Variants in EXOC4 observed in about 807,000 individuals in gnomAD.
EXOC4 encodes SEC8-like 1.
In EXOC4, 71 loss-of-function variants were observed where a neutral mutation model predicts 107.2. That is an observed-to-expected ratio of 0.66 (90% CI 0.55 to 0.81). The LOEUF (loss-of-function observed/expected upper bound fraction) is 0.81, where lower values mean the gene tolerates loss of function less well. EXOC4 is among the 30% of genes least tolerant of loss of function. The probability of loss-of-function intolerance (pLI) is 0.00; values close to 1 mark genes in which losing one functional copy is unlikely to be tolerated. For missense variants in EXOC4, 1,108 were observed against 1,189.6 expected (o/e 0.93, Z 1.01); for synonymous variants, 456 against 441.2 (o/e 1.03, Z -0.42).
chr7:133,421,324 A>G (rs764666288), intron 7 of EXOC4, among the ~76,000 whole-genome samples: 22 of 152,260 alleles, frequency 1.4e-4, no homozygotes, highest in Admixed American at 2.6e-4. Flanking sequence ...AGTCCTTCAG[A>G]GAAGGCATGG....
At chr7:133,286,604 C>T (rs926553145) in intron 2 of EXOC4, among the ~76,000 whole-genome samples, 1 of 152,166 alleles carries the variant, frequency 6.6e-6, no homozygotes, top group Admixed American at 6.5e-5. Context: ...GGTAGGGACT[C>T]AGCAGTTTCT....
intron 6 of EXOC4, among the ~76,000 whole-genome samples, chr7:133,369,585 T>C (rs1346607942): frequency 6.6e-6 from 1 of 152,118 alleles, no homozygotes; most frequent in Non-Finnish European, 1.5e-5. Context: ...TGATACTCTT[T>C]CCTGGAGTGT....
chr7:133,437,460 G>C (rs188714976), intron 7 of EXOC4, among the ~76,000 whole-genome samples: 1 of 152,100 alleles, frequency 6.6e-6, no homozygotes, highest in East Asian at 1.9e-4. Context: ...CTAAACTTCA[G>C]ACTAATGCTG....
intron 10 of EXOC4, among the ~76,000 whole-genome samples, chr7:133,740,534 T>A (rs764213314): frequency 1.3e-5 from 2 of 152,180 alleles, no homozygotes; most frequent in Non-Finnish European, 2.9e-5. Flanking sequence ...GTTGGGCAGT[T>A]TCATAGTTTG....
At chr7:133,773,739 C>G (rs1421934080) in intron 10 of EXOC4, among the ~76,000 whole-genome samples, 1 of 151,970 alleles carries the variant, frequency 6.6e-6, no homozygotes, top group Non-Finnish European at 1.5e-5. Flanking sequence ...CTCATTCATG[C>G]ACAAAGCTAT....
intron 8 of EXOC4, among the ~76,000 whole-genome samples, chr7:133,477,214 A>G (rs774308457): frequency 8.5e-5 from 13 of 152,144 alleles, no homozygotes; most frequent in Non-Finnish European, 1.9e-4. Context: ...TTTGTGTTGT[A>G]CAGTTCTAAT....
At chr7:133,513,102 C>T (rs754591190) in intron 9 of EXOC4, among the ~76,000 whole-genome samples, 1 of 152,088 alleles carries the variant, frequency 6.6e-6, no homozygotes, top group African/African-American at 2.4e-5. Flanking sequence ...AAGACTTCAT[C>T]TCAAAAAAAT....
chr7:133,551,614 T>C (rs1440488348), intron 9 of EXOC4: 2 of 152,160 alleles, frequency 1.3e-5, no homozygotes, highest in Non-Finnish European at 2.9e-5. Flanking sequence ...GGGATGTCAG[T>C]TGCTCTGAAG....
At chr7:133,254,165 G>A in intron 1 of EXOC4, 1 of 152,126 alleles carries the variant, frequency 6.6e-6, no homozygotes, top group Non-Finnish European at 1.5e-5. Context: ...TAGGTACTAA[G>A]CACTTCAATG....
chr7:133,636,357 T>C (rs1458173391), intron 10 of EXOC4, among the ~76,000 whole-genome samples: 3 of 152,220 alleles, frequency 2.0e-5, no homozygotes, highest in Admixed American at 6.5e-5. Context: ...TTTGTGATTC[T>C]GTGACTGGGC....
At chr7:133,431,189 A>T (rs1797848557) in intron 7 of EXOC4, among the ~76,000 whole-genome samples, 1 of 152,184 alleles carries the variant, frequency 6.6e-6, no homozygotes, top group Admixed American at 6.5e-5. Context: ...GTTCTTCCTG[A>T]ACTTCATGGT....
chr7:133,970,142 T>C (rs956001557), intron 14 of EXOC4, among the ~76,000 whole-genome samples: 80 of 152,244 alleles, frequency 5.3e-4, no homozygotes, highest in African/African-American at 1.9e-3. Context: ...TTGTTTACAC[T>C]GTGAGGGGAA....
chr7:133,693,584 C>T (rs540521874), intron 10 of EXOC4, among the ~76,000 whole-genome samples: 316 of 152,304 alleles, frequency 2.1e-3, no homozygotes, highest in Non-Finnish European at 3.4e-3. Flanking sequence ...GTTAGAAAGT[C>T]GTGTAGCCAC....
At chr7:133,364,042 C>G (rs1246662122) in intron 6 of EXOC4, among the ~76,000 whole-genome samples, 1 of 152,132 alleles carries the variant, frequency 6.6e-6, no homozygotes, top group African/African-American at 2.4e-5. Context: ...GCTATAGTCT[C>G]TAATCAGATT....
intron 10 of EXOC4, among the ~76,000 whole-genome samples, chr7:133,704,030 G>T (rs964631255): frequency 6.6e-6 from 1 of 152,156 alleles, no homozygotes; most frequent in Non-Finnish European, 1.5e-5. Context: ...AGCTTTGCTT[G>T]TTTCATCATC....
rs1273194917 is a variant in EXOC4, at chr7:133,654,948, G to C, written c.1514+24807G>C. Among the ~76,000 whole-genome samples, 4 of 152,192 alleles carry C rather than the reference G, an allele frequency of 2.6e-5. No individual in the cohort carries two copies. In the East Asian group the frequency reaches 7.7e-4, roughly 29 times the overall value. On this transcript the variant is annotated intron_variant, in intron 10 of 17. Coordinates refer to ENST00000253861, the MANE Select transcript of EXOC4 (RefSeq NM_021807.4). ...GCAGAGCAAAAATACCATACAAAAT[G>C]TAAAAAATAATGCAGCTGTATAGGT...
At chr7:134,081,491 C>T in the EXOC4 span, among the ~76,000 whole-genome samples, 1 of 152,168 alleles carries the variant, frequency 6.6e-6, no homozygotes. Flanking sequence ...TGTTTGTCTT[C>T]CCCAACTAAA....
rs913511117 is a variant in EXOC4, at chr7:134,000,041, A to G, written c.2348+2408A>G. Among the ~76,000 whole-genome samples the G allele has an allele frequency of 5.3e-5, 8 of 152,206 alleles. No individual in the cohort carries two copies. The South Asian group carries it at 1.0e-3, about 20-fold the overall frequency. ...ATTTTAGAGCCCTGGATGTAGAATTATCTTTCCTTGAATTTAACTCAGAAC... is the reference window on the plus strand; with the variant it reads ...ATTTTAGAGCCCTGGATGTAGAATTGTCTTTCCTTGAATTTAACTCAGAAC... On this transcript the variant is annotated intron_variant, in intron 15 of 17. Coordinates refer to ENST00000253861, the MANE Select transcript of EXOC4 (RefSeq NM_021807.4).
At chr7:133,382,674 G>A (rs1264247693) in intron 7 of EXOC4, among the ~76,000 whole-genome samples, 2 of 152,158 alleles carry the variant, frequency 1.3e-5, no homozygotes, top group African/African-American at 4.8e-5. Flanking sequence ...AGAGTTATAA[G>A]TGTTTAGAGT....
Sources: gnomAD v4.1 joint callset for allele counts (sites outside exome capture counted in the v4.1 genomes callset) on GRCh38, gnomAD v4.1.1 for gene constraint, MANE v1.5 for transcripts, NCBI Gene and HGNC (gene_info 2026-07-23, HGNC 2026-07-21) for gene names.